NRXN3: variants seen among roughly 807,000 people sequenced by gnomAD.
NRXN3 encodes neurexin III.
NRXN3 carries 32 observed loss-of-function variants against 137.6 expected under a neutral mutation model. The ratio of observed to expected loss-of-function variants is 0.23; its 90% CI spans 0.18 to 0.31. The LOEUF (loss-of-function observed/expected upper bound fraction) is 0.31, where lower values mean the gene tolerates loss of function less well. Among genes scored for constraint, NRXN3 ranks in the 10% least tolerant of loss-of-function variants. The pLI is 1.00. For missense variants in NRXN3, 1,574 were observed against 2,062.5 expected (o/e 0.76, Z 4.59); for synonymous variants, 798 against 784.5 (o/e 1.02, Z -0.29).
At position 78,577,704 on chromosome 14, in the gene NRXN3, A is replaced by G. The variant is rs187752812; in HGVS notation, c.758-67416A>G. On this transcript the variant is annotated intron_variant, in intron 4 of 20. Transcript: ENST00000335750. ...GGTCTCGAACTCCTGACCTCAGGTG[A>G]TCCACCCGCCTCGGCCTCCCATAGG... 4.5e-4 allele frequency among the ~76,000 whole-genome samples: 69 copies of G among 152,188 alleles called. 1 individual carries two copies. Among genetic ancestry groups the G allele is most frequent in the African/African-American group, 1.6e-3 (66 of 41,458 alleles).
chr14:79,482,701 C>A (rs1376869494), intron 16 of NRXN3, among the ~76,000 whole-genome samples: 1 of 151,876 alleles, frequency 6.6e-6, no homozygotes, highest in East Asian at 1.9e-4. Flanking sequence ...AAAAAACAAC[C>A]AAAAACAACC....
At position 79,564,675 on chromosome 14, in the gene NRXN3, A is replaced by G. The variant is rs113257953; in HGVS notation, c.3444+97273A>G. ...TGCTGAAAGTGTATATTTCATCTCA[A>G]TGACAATCTCAAAAAATTATAATGC... On this transcript the variant is annotated intron_variant, in intron 16 of 20. Transcript: ENST00000335750. Among the ~76,000 whole-genome samples, 134 of 152,272 alleles carry G rather than the reference A, an allele frequency of 8.8e-4. 1 individual carries two copies. In the Middle Eastern group the frequency reaches 0.017, roughly 19 times the overall value.
intron 15 of NRXN3, among the ~76,000 whole-genome samples, chr14:79,447,916 A>G (rs991632479): frequency 1.3e-5 from 2 of 152,214 alleles, no homozygotes; most frequent in African/African-American, 4.8e-5. Flanking sequence ...GCCTCTCTCC[A>G]TGCTGGTTAC....
intron 4 of NRXN3, among the ~76,000 whole-genome samples, chr14:78,512,700 G>A (rs559024370): frequency 4.6e-5 from 7 of 152,246 alleles, no homozygotes; most frequent in East Asian, 1.9e-4. Flanking sequence ...AAGGAAATGC[G>A]ACAGATGTGA....
chr14:78,686,714 A>C (rs1365206926), intron 6 of NRXN3, among the ~76,000 whole-genome samples: 1 of 152,196 alleles, frequency 6.6e-6, no homozygotes, highest in Non-Finnish European at 1.5e-5. Context: ...TCAAAATCTA[A>C]TAACTCAAAA....
chr14:78,771,029 T>C (rs940475198), intron 8 of NRXN3, among the ~76,000 whole-genome samples: 2 of 152,208 alleles, frequency 1.3e-5, no homozygotes, highest in African/African-American at 2.4e-5. Context: ...TTCCATGCTG[T>C]TGTTAATGCT....
At chr14:79,575,698 T>A (rs2097657822) in intron 16 of NRXN3, among the ~76,000 whole-genome samples, 1 of 152,188 alleles carries the variant, frequency 6.6e-6, no homozygotes, top group Non-Finnish European at 1.5e-5. Context: ...CCAATTTCCA[T>A]CATTACCCCT....
intron 4 of NRXN3, among the ~76,000 whole-genome samples, chr14:78,475,959 G>C (rs959928265): frequency 1.3e-5 from 2 of 152,162 alleles, no homozygotes; most frequent in Admixed American, 1.3e-4. Flanking sequence ...TATAGATAAT[G>C]GATAAGCAAA....
intron 19 of NRXN3, among the ~76,000 whole-genome samples, chr14:79,713,896 G>C (rs537479159): frequency 2.0e-5 from 3 of 152,002 alleles, no homozygotes; most frequent in African/African-American, 4.8e-5. Flanking sequence ...TTTGAGAGGA[G>C]CAAGGATTAG....
chr14:79,047,173 C>T (rs1424449681), intron 15 of NRXN3, among the ~76,000 whole-genome samples: 1 of 144,320 alleles, frequency 6.9e-6, no homozygotes, highest in Non-Finnish European at 1.5e-5. Context: ...CCACCACCAA[C>T]AACCCACTTT....
chr14:78,340,690 A>G (rs1257514022), intron 4 of NRXN3, among the ~76,000 whole-genome samples: 1 of 152,174 alleles, frequency 6.6e-6, no homozygotes, highest in Admixed American at 6.6e-5. Flanking sequence ...TTCTAAAAGA[A>G]TGAAAATAGA....
At chr14:78,779,752 A>C (rs1349486150) in intron 8 of NRXN3, among the ~76,000 whole-genome samples, 1 of 152,242 alleles carries the variant, frequency 6.6e-6, no homozygotes, top group Non-Finnish European at 1.5e-5. Context: ...AGAATAATCG[A>C]ATAAAAGATT....
Position 78,926,945 on chromosome 14 carries a change from TA to T in NRXN3, c.2276-30296del, listed in dbSNP as rs2099305046. On this transcript the variant is annotated intron_variant, in intron 10 of 20. Coordinates refer to ENST00000335750, the MANE Select transcript of NRXN3 (RefSeq NM_001330195.2). ...AATATATAATATATTTATATATATA[TA>T]TAATATATATAATATATATATAATA... 5.7e-5 allele frequency among the ~76,000 whole-genome samples: 2 copies of T among 34,962 alleles called. 1 individual carries two copies. Among genetic ancestry groups the T allele is most frequent in the African/African-American group, 6.2e-4 (2 of 3,222 alleles). The allele number at this position is 34,962 out of a possible 152,430, so 22.9% of individuals were successfully genotyped here.
At chr14:78,374,988 C>T (rs1312945506) in intron 4 of NRXN3, among the ~76,000 whole-genome samples, 1 of 152,106 alleles carries the variant, frequency 6.6e-6, no homozygotes, top group Admixed American at 6.5e-5. Context: ...CTGGGAAATA[C>T]CTTTATTAAT....
intron 15 of NRXN3, among the ~76,000 whole-genome samples, chr14:79,339,928 C>T (rs1251802775): frequency 6.6e-6 from 1 of 152,112 alleles, no homozygotes; most frequent in South Asian, 2.1e-4. Flanking sequence ...GTCTTCATTT[C>T]TTTTTATGTG....
intron 6 of NRXN3, among the ~76,000 whole-genome samples, chr14:78,707,845 G>C (rs1421606551): frequency 6.6e-6 from 1 of 152,102 alleles, no homozygotes; most frequent in Non-Finnish European, 1.5e-5. Flanking sequence ...TAGAATAATA[G>C]TTTCCAGTCT....
intron 4 of NRXN3, among the ~76,000 whole-genome samples, chr14:78,308,925 T>G (rs1004008573): frequency 5.9e-5 from 9 of 152,142 alleles, no homozygotes; most frequent in Admixed American, 5.9e-4. Context: ...CAACACACTC[T>G]TCTATTATTA....
At chr14:78,913,983 T>C (rs1285806145) in intron 10 of NRXN3, among the ~76,000 whole-genome samples, 1 of 152,184 alleles carries the variant, frequency 6.6e-6, no homozygotes, top group East Asian at 1.9e-4. Flanking sequence ...ATCCCAGTCC[T>C]ATTCCCAGTT....
At chr14:79,074,064 C>T (rs1482259248) in intron 15 of NRXN3, among the ~76,000 whole-genome samples, 1 of 152,192 alleles carries the variant, frequency 6.6e-6, no homozygotes, top group Non-Finnish European at 1.5e-5. Flanking sequence ...TTATCTAACA[C>T]ATTACCTTCC....
Sources: gnomAD v4.1 joint callset for allele counts (sites outside exome capture counted in the v4.1 genomes callset) on GRCh38, gnomAD v4.1.1 for gene constraint, MANE v1.5 for transcripts, NCBI Gene and HGNC (gene_info 2026-07-23, HGNC 2026-07-21) for gene names.